AGMO: variants seen among roughly 807,000 people sequenced by gnomAD.
The protein encoded by AGMO is glyceryl-ether monooxygenase.
AGMO carries 75 observed loss-of-function variants against 60.2 expected under a neutral mutation model. The observed-to-expected ratio is 1.25, with a 90% CI of 1.03 to 1.51. The LOEUF is 1.51. Among genes scored for constraint, AGMO ranks in the 40% most tolerant of loss-of-function variants. The pLI is 0.00. For missense variants in AGMO, 763 were observed against 525.5 expected (o/e 1.45, Z -4.42); for synonymous variants, 261 against 177.1 (o/e 1.47, Z -3.76).
chr7:15,340,744 G>C (rs1781818359), intron 12 of AGMO, among the ~76,000 whole-genome samples: 1 of 152,202 alleles, frequency 6.6e-6, no homozygotes, highest in African/African-American at 2.4e-5. Context: ...TGGTTGTCCA[G>C]GCAGAGGTGT....
intron 2 of AGMO, among the ~76,000 whole-genome samples, chr7:15,549,004 C>T (rs1207702724): frequency 2.7e-5 from 4 of 150,362 alleles, no homozygotes; most frequent in Non-Finnish European, 4.4e-5. Flanking sequence ...AGAGTGGGGG[C>T]CAATATTCAA....
At chr7:15,350,566 G>C (rs1415994734) in intron 12 of AGMO, among the ~76,000 whole-genome samples, 2 of 152,112 alleles carry the variant, frequency 1.3e-5, no homozygotes, top group Non-Finnish European at 2.9e-5. Context: ...TTGAGAGTCA[G>C]AGAGAGTAGA....
chr7:15,557,567 T>C (rs1338786311), intron 2 of AGMO, among the ~76,000 whole-genome samples: 1 of 152,136 alleles, frequency 6.6e-6, no homozygotes, highest in East Asian at 1.9e-4. Context: ...AGGCTCGCTT[T>C]TCCTTTTCTG....
intron 10 of AGMO, among the ~76,000 whole-genome samples, chr7:15,367,866 G>A (rs887035388): frequency 8.6e-5 from 13 of 151,958 alleles, no homozygotes; most frequent in East Asian, 7.7e-4. Flanking sequence ...ATGAATATAA[G>A]GAATTTCACC....
chr7:15,290,287 GA>G (rs1784225875), intron 12 of AGMO, among the ~76,000 whole-genome samples: 1 of 151,982 alleles, frequency 6.6e-6, no homozygotes, highest in Admixed American at 6.6e-5. Context: ...TCGGCCTCCC[GA>G]AGTGTTGGGA....
At chr7:15,396,132 T>G (rs181914402) in intron 5 of AGMO, 1 of 152,356 alleles carries the variant, frequency 6.6e-6, no homozygotes, top group Admixed American at 6.5e-5. Context: ...AATATTTGCA[T>G]GCAAAAGACT....
the AGMO span, among the ~76,000 whole-genome samples, chr7:15,186,041 T>C: frequency 6.6e-6 from 1 of 152,304 alleles, no homozygotes; most frequent in East Asian, 1.9e-4. Context: ...CCCACAAAGC[T>C]CATCTGTGAG....
intron 12 of AGMO, chr7:15,306,674 A>C (rs1780624376): frequency 6.0e-6 from 2 of 334,654 alleles, no homozygotes; most frequent in Admixed American, 4.4e-5. Flanking sequence ...TCAAATAGTT[A>C]GATTTTAATG....
chr7:15,341,194 T>C (rs1781835910), intron 12 of AGMO, among the ~76,000 whole-genome samples: 1 of 152,158 alleles, frequency 6.6e-6, no homozygotes, highest in African/African-American at 2.4e-5. Context: ...CTGCTTGAAA[T>C]TTCTCTCCAG....
chr7:15,374,730 G>A (rs1368834372), intron 10 of AGMO, among the ~76,000 whole-genome samples: 2 of 152,052 alleles, frequency 1.3e-5, no homozygotes, highest in Non-Finnish European at 2.9e-5. Flanking sequence ...AGAGTTTCTA[G>A]GTTACAATAC....
chr7:15,274,016 T>C (rs887206898), intron 12 of AGMO, among the ~76,000 whole-genome samples: 1 of 152,194 alleles, frequency 6.6e-6, no homozygotes, highest in Non-Finnish European at 1.5e-5. Flanking sequence ...CTTAAGGAGA[T>C]TTTGGGCTGA....
rs973491606 is a variant in AGMO at position 15,253,628 on chromosome 7, A to G, written c.1264-52269T>C. Among the ~76,000 whole-genome samples the G allele has an allele frequency of 2.0e-5, 3 of 152,274 alleles. No homozygotes were observed. The East Asian group carries it at 5.8e-4, about 29-fold the overall frequency. On this transcript the variant is annotated intron_variant, in intron 12 of 12. Coordinates refer to ENST00000342526, the MANE Select transcript of AGMO (RefSeq NM_001004320.2). ...CAATGTGTTGTTTCCATATGTCTAC[A>G]TGGTATAAAGATCAAGTCATAATAA...
chr7:15,275,558 A>T (rs1783757169), intron 12 of AGMO, among the ~76,000 whole-genome samples: 1 of 152,160 alleles, frequency 6.6e-6, no homozygotes, highest in African/African-American at 2.4e-5. Context: ...TGTCTATCAT[A>T]TCAATTTGCT....
chr7:15,135,630 A>T, the AGMO span, among the ~76,000 whole-genome samples: 1 of 152,178 alleles, frequency 6.6e-6, no homozygotes, highest in Non-Finnish European at 1.5e-5. Context: ...AACTTAGGAT[A>T]AGAAGGAATT....
chr7:15,210,963 C>A (rs66601233), intron 12 of AGMO, among the ~76,000 whole-genome samples: 22,530 of 151,832 alleles, frequency 0.15, 3,029 homozygotes, highest in African/African-American at 0.36. Flanking sequence ...CAGAAAATAA[C>A]AGTGTCATAA....
intron 5 of AGMO, among the ~76,000 whole-genome samples, chr7:15,416,022 T>TTCTTC (rs1780757655): frequency 1.3e-5 from 2 of 148,560 alleles, no homozygotes; most frequent in Non-Finnish European, 3.0e-5. Flanking sequence ...TTCTTTTCTT[T>TTCTTC]TTTTCTTTTT....
chr7:15,392,131 G>T (rs907585587), intron 6 of AGMO, among the ~76,000 whole-genome samples: 3 of 151,442 alleles, frequency 2.0e-5, no homozygotes, highest in Non-Finnish European at 2.9e-5. Flanking sequence ...GTGCAGTGGC[G>T]CCATCTCGGC....
In AGMO at chr7:15,560,162, C is replaced by G; in HGVS notation, c.236G>C (p.Gly79Ala). 1 of 1,612,472 alleles carries G rather than the reference C, an allele frequency of 6.2e-7. No individual in the cohort carries two copies. The highest frequency in any genetic ancestry group is 8.5e-7 in the Non-Finnish European group (1 of 1,178,904). Residue 79 changes from glycine (G) to alanine (A), a missense_variant, in exon 2 of 13, where the codon GGT (glycine) becomes GCT (alanine). Gly to Ala is a moderately conservative substitution (Grantham distance 60). Transcript: ENST00000342526. ...LDDALTSISA[G>A]VLSRLPSLFF... ...TCACCTTGGAAGTCGAGACAGAACA[C>G]CAGCTGAGATTGACGTTAAAGCATC...
intron 5 of AGMO, among the ~76,000 whole-genome samples, chr7:15,406,315 A>G (rs4719445): frequency 3.5e-5 from 5 of 142,458 alleles, no homozygotes; most frequent in Admixed American, 7.1e-5. Flanking sequence ...ATACATATAT[A>G]TGTGTATATA....
Sources: gnomAD v4.1 joint callset for allele counts (sites outside exome capture counted in the v4.1 genomes callset) on GRCh38, gnomAD v4.1.1 for gene constraint, MANE v1.5 for transcripts, NCBI Gene and HGNC (gene_info 2026-07-23, HGNC 2026-07-21) for gene names.